Variants in C15orf40 observed in about 807,000 individuals in gnomAD.
C15orf40 encodes the protein UPF0235 protein C15orf40.
C15orf40 carries 9 observed loss-of-function variants against 13.9 expected under a neutral mutation model. The ratio of observed to expected loss-of-function variants is 0.65; its 90% CI spans 0.39 to 1.13. The LOEUF is 1.13. C15orf40 is among the 50% of genes most tolerant of loss of function. The pLI is 0.01. For missense variants in C15orf40, 225 were observed against 188.5 expected (o/e 1.19, Z -1.13); for synonymous variants, 95 against 69.2 (o/e 1.37, Z -1.85).
At position 82,998,436 on chromosome 15, in the gene C15orf40, G is replaced by T. The variant is rs1426480216; in HGVS notation, c.*7161C>A. Reference sequence around the variant, plus strand: ...AGACGGGGTGGTTGCCAGGCAGAGGGTCTCCTCACTTCTCAGACGGGGCGG... The same window carrying T: ...AGACGGGGTGGTTGCCAGGCAGAGGTTCTCCTCACTTCTCAGACGGGGCGG... On this transcript the variant is annotated 3_prime_UTR_variant, in exon 4 of 4. Coordinates refer to ENST00000304177, the MANE Select transcript of C15orf40 (RefSeq NM_144597.3). 9.0e-5 allele frequency: 7 copies of T among 77,472 alleles called. No individual in the cohort carries two copies. The highest frequency in any genetic ancestry group is 2.4e-4 in the Admixed American group (2 of 8,396). The allele number at this position is 77,472 out of a possible 1,614,324, so 4.8% of individuals were successfully genotyped here.
Position 82,996,456 on chromosome 15 carries a change from CG to C in C15orf40, c.*9140del, listed in dbSNP as rs1270721464. 6.6e-6 allele frequency: 1 copy of C among 151,874 alleles called. No individual in the cohort carries two copies. The highest frequency in any genetic ancestry group is 1.5e-5 in the Non-Finnish European group (1 of 67,968). 9.4% of individuals were successfully genotyped at this position (151,874 alleles called of 1,614,324 possible). A position where few individuals can be genotyped will look rare whatever the true frequency, so the allele number is the denominator to read the frequency against. The stretch of plus-strand genomic sequence containing the variant: ...GAGATCGAGACCATTCTGGCTAACA[CG>C]GTGAAACCCCGTCTCTACTAAAAAT... On this transcript the variant is annotated 3_prime_UTR_variant, in exon 4 of 4. Coordinates refer to ENST00000304177, the MANE Select transcript of C15orf40 (RefSeq NM_144597.3).
Position 82,995,733 on chromosome 15 carries a change from C to G in C15orf40, c.*9864G>C, listed in dbSNP as rs1255511636. ...CCAGGAGGCGGAGGTTGCAGTGAGC[C>G]AAGATTGCACCACTGCACTCCAGCC... On this transcript the variant is annotated 3_prime_UTR_variant, in exon 4 of 4. Transcript: ENST00000304177. 1 of 152,608 alleles carries G rather than the reference C, an allele frequency of 6.6e-6. No homozygotes were observed. The highest frequency in any genetic ancestry group is 1.5e-5 in the Non-Finnish European group (1 of 68,370). 9.5% of individuals were successfully genotyped at this position (152,608 alleles called of 1,614,324 possible). A position where few individuals can be genotyped will look rare whatever the true frequency, so the allele number is the denominator to read the frequency against.
rs773620548 is a variant in C15orf40, at chr15:83,008,554, C to G, written c.360G>C (p.Leu120Phe). 22 of 1,613,416 alleles carry G rather than the reference C, an allele frequency of 1.4e-5. No homozygotes were observed. The South Asian group carries it at 2.4e-4, about 18-fold the overall frequency. ...VLELRKSDVV[L>F]DKGGKSREKV... ...AAAAGAGAGCGAGACCTACCTTATC[C>G]AAAACCACATCACTCTTCCTGAGTT... is the stretch of plus-strand genomic sequence containing the variant. Residue 120 changes from leucine to phenylalanine, a missense_variant, in exon 3 of 4, where the codon TTG becomes TTC. Physicochemically the swap from Leu to Phe is conservative, Grantham distance 22. Coordinates refer to ENST00000304177, the MANE Select transcript of C15orf40 (RefSeq NM_144597.3).
At chr15:82,994,539 A>T (rs550984629), downstream of C15orf40, among the ~76,000 whole-genome samples, 8 of 152,252 alleles carry the variant, frequency 5.3e-5, no homozygotes, top group African/African-American at 1.4e-4. Flanking sequence ...GATTTTTTTT[A>T]AATTAGGCAA....
downstream of C15orf40, chr15:82,991,921 A>G (rs1386424309): frequency 8.5e-6 from 11 of 1,288,922 alleles, no homozygotes; most frequent in Non-Finnish European, 1.0e-5. Flanking sequence ...AAGTGTTATC[A>G]AAAATATCAC....
chr15:82,994,362 A>T (rs2151273937), downstream of C15orf40, among the ~76,000 whole-genome samples: 1 of 152,258 alleles, frequency 6.6e-6, no homozygotes, highest in African/African-American at 2.4e-5. Context: ...TTTATTTTAA[A>T]CAAGTTCAAG....
At chr15:82,989,582 A>G (rs2030771180), downstream of C15orf40, among the ~76,000 whole-genome samples, 1 of 152,250 alleles carries the variant, frequency 6.6e-6, no homozygotes, top group East Asian at 1.9e-4. Context: ...TAGTCAAAGG[A>G]ATAAATTACC....
intron 3 of C15orf40, among the ~76,000 whole-genome samples, chr15:83,007,076 C>T (rs1346958436): frequency 2.0e-5 from 3 of 151,788 alleles, no homozygotes; most frequent in Non-Finnish European, 4.4e-5. Flanking sequence ...ATGGCTGGGC[C>T]CCCCTCCTGC....
rs2031595833 is a variant in C15orf40, at chr15:83,004,957, G to GT, written c.*639dup. 7.8e-7 allele frequency: 1 copy of GT among 1,288,216 alleles called. No individual in the cohort carries two copies. Among genetic ancestry groups the GT allele is most frequent in the Non-Finnish European group, 1.0e-6 (1 of 974,336 alleles). 79.8% of individuals were successfully genotyped at this position (1,288,216 alleles called of 1,614,324 possible). On this transcript the variant is annotated 3_prime_UTR_variant, in exon 4 of 4. Transcript: ENST00000304177. ...GCCAGCTTGCATGGTACAATCTTGAGTAAGTCTCTCAACTTCTGGATATAG... is the reference window on the plus strand; with the variant it reads ...GCCAGCTTGCATGGTACAATCTTGAGTTAAGTCTCTCAACTTCTGGATATAG...
Position 83,010,371 on chromosome 15 carries a change from G to A in C15orf40, c.112-8C>T. On this transcript the variant is annotated splice_region_variant and splice_polypyrimidine_tract_variant and intron_variant, in intron 1 of 3. Coordinates refer to ENST00000304177, the MANE Select transcript of C15orf40 (RefSeq NM_144597.3). Reference sequence around the variant, plus strand: ...CTTGCTCTGGCTTTTACCCTAAAATGACAACCACACAACTTTACAGGTTAC... The same window carrying A: ...CTTGCTCTGGCTTTTACCCTAAAATAACAACCACACAACTTTACAGGTTAC... The A allele has an allele frequency of 6.2e-7, 1 of 1,614,000 alleles. No homozygotes were observed. Among genetic ancestry groups the A allele is most frequent in the Non-Finnish European group, 8.5e-7 (1 of 1,179,938 alleles).
At chr15:83,006,327 T>G in intron 3 of C15orf40, 1 of 903,994 alleles carries the variant, frequency 1.1e-6, no homozygotes, top group Non-Finnish European at 1.3e-6. Flanking sequence ...TATTGCAATT[T>G]TATATAAACT....
At chr15:82,989,829 T>C, downstream of C15orf40, 1 of 1,595,938 alleles carries the variant, frequency 6.3e-7, no homozygotes, top group Non-Finnish European at 8.6e-7. Context: ...GTTTGTCATA[T>C]GTTTTTTTTA....
At chr15:83,008,978 G>C (rs2031850541) in intron 2 of C15orf40, among the ~76,000 whole-genome samples, 1 of 152,126 alleles carries the variant, frequency 6.6e-6, no homozygotes, top group East Asian at 1.9e-4. Flanking sequence ...ATTGCCCTTG[G>C]TATGTGAAGA....
chr15:83,006,834 T>C (rs1187275954), intron 3 of C15orf40, among the ~76,000 whole-genome samples: 2 of 152,206 alleles, frequency 1.3e-5, no homozygotes, highest in Admixed American at 6.5e-5. Flanking sequence ...AGAAGGGGTT[T>C]ATTTAGATGA....
In C15orf40 at chr15:82,999,022, T is replaced by TGGC. The variant is rs1384474930; in HGVS notation, c.*6572_*6574dup. The TGGC allele has an allele frequency of 6.3e-6, 1 of 158,684 alleles. No individual in the cohort carries two copies. The highest frequency in any genetic ancestry group is 2.5e-5 in the African/African-American group (1 of 39,766). 9.8% of individuals were successfully genotyped at this position (158,684 alleles called of 1,614,324 possible). ...CGTCTCCACCAAAACCAGTCAGGCG[T>TGGC]GGCGGCGCGCGCCTGCAATCACAGG... On this transcript the variant is annotated 3_prime_UTR_variant, in exon 4 of 4. Coordinates refer to ENST00000304177, the MANE Select transcript of C15orf40 (RefSeq NM_144597.3).
intron 1 of C15orf40, 110 bp downstream of exon 1, chr15:83,011,387 G>A (rs1394998585): frequency 3.2e-6 from 4 of 1,258,558 alleles, no homozygotes; most frequent in East Asian, 2.9e-5. Context: ...ACTGAGAGAC[G>A]GCAAGCCGCT....
intron 3 of C15orf40, 121 bp from the exon 4 acceptor site, chr15:83,005,813 A>G: frequency 7.4e-7 from 1 of 1,345,428 alleles, no homozygotes; most frequent in African/African-American, 1.5e-5. Flanking sequence ...CTTCTGGTCT[A>G]ACCAAAGACT....
chr15:82,996,658 TAAAATAA>T lies in C15orf40; in HGVS notation c.*8932_*8938del, dbSNP rs1567087547. 2 of 94,540 alleles carry T rather than the reference TAAAATAA, an allele frequency of 2.1e-5. No individual in the cohort carries two copies. Among genetic ancestry groups the T allele is most frequent in the Non-Finnish European group, 4.8e-5 (2 of 41,428 alleles). The allele number at this position is 94,540 out of a possible 1,614,324, so 5.9% of individuals were successfully genotyped here. On this transcript the variant is annotated 3_prime_UTR_variant, in exon 4 of 4. Transcript: ENST00000304177. ...ACTCCGTCTCAAAATAAAATTAAAA[TAAAATAA>T]AATAATAAAATAAAATAAAAAATAT... is the stretch of plus-strand genomic sequence containing the variant.
rs748078883 is a variant in C15orf40 at position 83,011,559 on chromosome 15, T to A, written c.49A>T (p.Thr17Ser). The A allele has an allele frequency of 3.1e-6, 5 of 1,605,734 alleles. No individual in the cohort carries two copies. In the Admixed American group the frequency reaches 5.0e-5, roughly 16 times the overall value. Residue 17 changes from threonine to serine, a missense_variant, in exon 1 of 4, where the codon ACT (threonine) becomes TCT (serine). By Grantham distance (58) the Thr-to-Ser change is moderately conservative. Transcript: ENST00000304177. ...CAAAGAAGCCGAGCGGAGCCCCGAGTATTGGGTGTTGCCCGAAGGTGCCTC... is the reference window on the plus strand; with the variant it reads ...CAAAGAAGCCGAGCGGAGCCCCGAGAATTGGGTGTTGCCCGAAGGTGCCTC... ...GLRHLRATPNTRGSARLLCAE... is the reference protein window; with the variant it reads ...GLRHLRATPNSRGSARLLCAE...
Sources: gnomAD v4.1 joint callset for allele counts (sites outside exome capture counted in the v4.1 genomes callset) on GRCh38, gnomAD v4.1.1 for gene constraint, MANE v1.5 for transcripts, NCBI Gene and HGNC (gene_info 2026-07-23, HGNC 2026-07-21) for gene names.